PRSS12: variants seen among roughly 807,000 people sequenced by gnomAD.
PRSS12 encodes neurotrypsin.
Under a neutral mutation model 104.4 loss-of-function variants are expected in PRSS12, and 85 were observed. That is an observed-to-expected ratio of 0.81 (90% CI 0.68 to 0.98). The LOEUF (loss-of-function observed/expected upper bound fraction) is 0.98, where lower values mean the gene tolerates loss of function less well. PRSS12 is among the 50% of genes least tolerant of loss of function. PRSS12 has a pLI of 0.00. For missense variants in PRSS12, 1,141 were observed against 1,139.2 expected (o/e 1.00, Z -0.02); for synonymous variants, 454 against 425.2 (o/e 1.07, Z -0.83).
At chr4:118,323,343 C>A (rs1287723877) in intron 4 of PRSS12, among the ~76,000 whole-genome samples, 1 of 151,862 alleles carries the variant, frequency 6.6e-6, no homozygotes, top group Non-Finnish European at 1.5e-5. Flanking sequence ...GGGTATAATT[C>A]ATTGAGCCAT....
chr4:118,331,938 A>G (rs1033603479), intron 3 of PRSS12, 72 bp from the exon 4 acceptor site: 16 of 1,588,852 alleles, frequency 1.0e-5, no homozygotes, highest in Non-Finnish European at 1.4e-5. Context: ...GGTATATTCT[A>G]TATTTTTTGC....
At chr4:118,308,988 T>C (rs1743633364) in intron 7 of PRSS12, among the ~76,000 whole-genome samples, 1 of 152,052 alleles carries the variant, frequency 6.6e-6, no homozygotes, top group Non-Finnish European at 1.5e-5. Context: ...TAGAAGTTTA[T>C]ACACCAAAGA....
chr4:118,298,157 A>C (rs1402053003), intron 9 of PRSS12, among the ~76,000 whole-genome samples: 1 of 151,902 alleles, frequency 6.6e-6, no homozygotes, highest in African/African-American at 2.4e-5. Context: ...AAAAAAAAAA[A>C]AAATTAAATG....
At chr4:118,333,573 T>C (rs1723980409) in intron 3 of PRSS12, among the ~76,000 whole-genome samples, 1 of 152,236 alleles carries the variant, frequency 6.6e-6, no homozygotes, top group Non-Finnish European at 1.5e-5. Context: ...CAAATTATGA[T>C]GTTTATTTTT....
At chr4:118,341,481 G>A (rs1267819078) in intron 1 of PRSS12, among the ~76,000 whole-genome samples, 2 of 152,000 alleles carry the variant, frequency 1.3e-5, no homozygotes, top group East Asian at 3.9e-4. Flanking sequence ...TTGAGAGTTC[G>A]AGACCAGCCT....
At chr4:118,327,181 G>T (rs1055758540) in intron 4 of PRSS12, among the ~76,000 whole-genome samples, 1 of 151,946 alleles carries the variant, frequency 6.6e-6, no homozygotes, top group Non-Finnish European at 1.5e-5. Flanking sequence ...TTGAAACAGG[G>T]TCTTACTCTG....
rs180829222 is a variant in PRSS12 at position 118,325,722 on chromosome 4, A to C, written c.971+5994T>G. ...TGTTCAAGTAAATGTGAATTTGATA[A>C]AGCTGTGTGTTCTCTGTCCTTCATG... On this transcript the variant is annotated intron_variant, in intron 4 of 12. Coordinates refer to ENST00000296498, the MANE Select transcript of PRSS12 (RefSeq NM_003619.4). Among the ~76,000 whole-genome samples, 182 of 152,194 alleles carry C rather than the reference A, an allele frequency of 1.2e-3. 1 individual carries two copies. Among genetic ancestry groups the C allele is most frequent in the Middle Eastern group, 3.4e-3 (1 of 294 alleles).
intron 8 of PRSS12, among the ~76,000 whole-genome samples, chr4:118,300,288 C>T (rs1428318727): frequency 1.3e-5 from 2 of 151,912 alleles, no homozygotes; most frequent in Non-Finnish European, 2.9e-5. Context: ...GCTAGGATTA[C>T]AGGAGTGAGT....
rs1028462377 is a variant in PRSS12, at chr4:118,335,403, C to T, written c.820+70G>A. ...TAAGGAAATGATTATAACTAAGACA[C>T]TTTCATCATCTGGAATCACGTTTAA... On this transcript the variant is annotated intron_variant, in intron 3 of 12. Transcript: ENST00000296498. The T allele has an allele frequency of 3.2e-6, 5 of 1,557,132 alleles. No homozygotes were observed. In the African/African-American group the frequency reaches 4.1e-5, roughly 13 times the overall value.
chr4:118,322,562 A>C (rs1723662467), intron 4 of PRSS12, among the ~76,000 whole-genome samples: 1 of 149,858 alleles, frequency 6.7e-6, no homozygotes, highest in Non-Finnish European at 1.5e-5. Flanking sequence ...AAAAAAAAAA[A>C]AAATTACAAT....
intron 9 of PRSS12, among the ~76,000 whole-genome samples, chr4:118,297,792 A>G (rs950318610): frequency 2.0e-5 from 3 of 152,180 alleles, no homozygotes; most frequent in African/African-American, 7.2e-5. Context: ...AAAATGTACC[A>G]CAAATTTCTC....
chr4:118,352,712 G>C lies in PRSS12; in HGVS notation c.9C>G (p.Leu3=). Reference sequence around the variant, plus strand: ...ACATCAGGGCTAGCACGAAGCGGGCGAGCGTCATGGTGCCAGCGCTGCGGG... The same window carrying C: ...ACATCAGGGCTAGCACGAAGCGGGCCAGCGTCATGGTGCCAGCGCTGCGGG... MT[L]ARFVLALMLG... The change falls in exon 1 of 13, where the codon CTC becomes CTG. Residue 3 remains leucine (L), a synonymous_variant. Coordinates refer to ENST00000296498, the MANE Select transcript of PRSS12 (RefSeq NM_003619.4). The C allele has an allele frequency of 6.2e-7, 1 of 1,612,830 alleles. No individual in the cohort carries two copies. Among genetic ancestry groups the C allele is most frequent in the Non-Finnish European group, 8.5e-7 (1 of 1,179,306 alleles).
chr4:118,347,309 A>G (rs1247714003), intron 1 of PRSS12, among the ~76,000 whole-genome samples: 1 of 152,148 alleles, frequency 6.6e-6, no homozygotes, highest in East Asian at 1.9e-4. Context: ...TTTAATTAAC[A>G]CTCACTACAA....
At chr4:118,331,981 C>A in intron 3 of PRSS12, 115 bp from the exon 4 acceptor site, 1 of 1,335,432 alleles carries the variant, frequency 7.5e-7, no homozygotes, top group African/African-American at 1.5e-5. Context: ...TTTATAAAGC[C>A]ACACCAGTGA....
intron 6 of PRSS12, among the ~76,000 whole-genome samples, 171 bp from the exon 7 acceptor site, chr4:118,313,568 A>G (rs1300451148): frequency 7.2e-5 from 11 of 152,198 alleles, no homozygotes. Flanking sequence ...CCAGCCCATC[A>G]CATGTTTTAA....
rs2126024530 is a variant in PRSS12 at position 118,280,526 on chromosome 4, T to C, written c.*1410A>G. ...TGGGGATTTGTGAAAAGGATGTAAT[T>C]TGATGTAGAAGGGCAAAGTCCTTTA... On this transcript the variant is annotated 3_prime_UTR_variant, in exon 13 of 13. Coordinates refer to ENST00000296498, the MANE Select transcript of PRSS12 (RefSeq NM_003619.4). 1 of 152,338 alleles carries C rather than the reference T, an allele frequency of 6.6e-6. No individual in the cohort carries two copies. Among genetic ancestry groups the C allele is most frequent in the Admixed American group, 6.5e-5 (1 of 15,304 alleles). 9.4% of individuals were successfully genotyped at this position (152,338 alleles called of 1,614,324 possible). A position where few individuals can be genotyped will look rare whatever the true frequency, so the allele number is the denominator to read the frequency against.
At chr4:118,296,759 A>T (rs2126028566) in intron 9 of PRSS12, among the ~76,000 whole-genome samples, 1 of 152,286 alleles carries the variant, frequency 6.6e-6, no homozygotes, top group African/African-American at 2.4e-5. Flanking sequence ...GTGGAGAAAG[A>T]CGTTCAACAA....
Position 118,282,347 on chromosome 4 carries a change from C to T in PRSS12, c.2321-104G>A, listed in dbSNP as rs991887409. On this transcript the variant is annotated intron_variant, in intron 12 of 12. Transcript: ENST00000296498. The stretch of plus-strand genomic sequence containing the variant: ...TATGAAAATAAAATCCCTGTTGTGG[C>T]ATTAGTGTAGTTTAAAATGAGCAAT... 4 of 1,458,044 alleles carry T rather than the reference C, an allele frequency of 2.7e-6. No individual in the cohort carries two copies. The African/African-American group carries it at 5.6e-5, about 20-fold the overall frequency. The allele number at this position is 1,458,044 out of a possible 1,614,324, so 90.3% of individuals were successfully genotyped here.
At chr4:118,324,864 C>A (rs1268436978) in intron 4 of PRSS12, among the ~76,000 whole-genome samples, 1 of 151,900 alleles carries the variant, frequency 6.6e-6, no homozygotes, top group Non-Finnish European at 1.5e-5. Flanking sequence ...AGGCGCCCAC[C>A]ACCACACCCA....
Sources: allele counts gnomAD v4.1 joint callset (sites outside exome capture counted in the v4.1 genomes callset), GRCh38; gene constraint gnomAD v4.1.1; transcripts MANE v1.5; gene names NCBI Gene and HGNC (gene_info 2026-07-23, HGNC 2026-07-21).